The following SUPT3H variants were observed in gnomAD, a reference collection of about 807,000 sequenced individuals.
The protein encoded by SUPT3H is SPT3 homolog, SAGA and STAGA complex component, also known as transcription initiation protein SPT3 homolog.
A neutral mutation model predicts 44.3 loss-of-function variants in SUPT3H; 44 were observed. The ratio of observed to expected loss-of-function variants is 0.99; its 90% CI spans 0.78 to 1.28. The LOEUF is 1.28. Ranked by LOEUF, SUPT3H falls within the 50% of genes most tolerant of loss-of-function variation. The pLI is 0.00. For synonymous variants in SUPT3H, 124 were observed against 125.6 expected, an observed-to-expected ratio of 0.99 and a Z score of 0.09; for missense variants, 380 against 387.1, an observed-to-expected ratio of 0.98 and a Z score of 0.15.
chr6:45,060,388 C>T (rs978084036), intron 3 of SUPT3H, among the ~76,000 whole-genome samples: 3 of 152,046 alleles, frequency 2.0e-5, no homozygotes, highest in Admixed American at 2.0e-4. Context: ...GGAGAACTGG[C>T]TGGCCATATG....
At chr6:44,902,202 T>G (rs1312646514) in intron 10 of SUPT3H, among the ~76,000 whole-genome samples, 1 of 152,192 alleles carries the variant, frequency 6.6e-6, no homozygotes, top group African/African-American at 2.4e-5. Flanking sequence ...ATGGGCTAAA[T>G]GCTCCAATTA....
rs576404738 is a variant in SUPT3H, at chr6:45,178,623, C to T, written c.102-72617G>A. ...TCAACAGAATATACATTTTTTTCAG[C>T]ACCACACCACACCTGTTCCAAAATT... On this transcript the variant is annotated intron_variant, in intron 2 of 10. Transcript: ENST00000371459. Among the ~76,000 whole-genome samples, 218 of 152,192 alleles carry T rather than the reference C, an allele frequency of 1.4e-3. 1 individual carries two copies. The highest frequency in any genetic ancestry group is 4.9e-3 in the African/African-American group (205 of 41,508).
intron 10 of SUPT3H, among the ~76,000 whole-genome samples, chr6:44,833,298 A>G (rs1194900598): frequency 6.6e-6 from 1 of 152,134 alleles, no homozygotes; most frequent in African/African-American, 2.4e-5. Context: ...ATTCCTATAA[A>G]TTTGCTTAAT....
chr6:44,983,830 TTCTC>T (rs957680790), intron 6 of SUPT3H, among the ~76,000 whole-genome samples: 6 of 152,336 alleles, frequency 3.9e-5, no homozygotes, highest in African/African-American at 1.4e-4. Flanking sequence ...ACACTTTACT[TTCTC>T]TCTGTCATTC....
At chr6:45,048,323 C>CA (rs1789752471) in intron 3 of SUPT3H, among the ~76,000 whole-genome samples, 1 of 149,202 alleles carries the variant, frequency 6.7e-6, no homozygotes, top group Admixed American at 6.7e-5. Flanking sequence ...GGTTCATATC[C>CA]AAAAAATCAT....
At chr6:44,971,571 G>A (rs1417002354) in intron 6 of SUPT3H, among the ~76,000 whole-genome samples, 1 of 152,086 alleles carries the variant, frequency 6.6e-6, no homozygotes, top group Non-Finnish European at 1.5e-5. Context: ...AGAAGCATGG[G>A]GGTAACTGCC....
chr6:44,914,694 C>G (rs1767553304), intron 10 of SUPT3H, among the ~76,000 whole-genome samples: 1 of 152,206 alleles, frequency 6.6e-6, no homozygotes, highest in African/African-American at 2.4e-5. Flanking sequence ...TGGACTCTAT[C>G]AGGTGGCTGT....
intron 3 of SUPT3H, among the ~76,000 whole-genome samples, chr6:45,053,188 C>T (rs1467581957): frequency 6.7e-6 from 1 of 148,528 alleles, no homozygotes; most frequent in Non-Finnish European, 1.5e-5. Flanking sequence ...GCATGTGCCA[C>T]TGGGCCCAGC....
chr6:45,170,999 A>G (rs771200043), intron 2 of SUPT3H, among the ~76,000 whole-genome samples: 1 of 152,210 alleles, frequency 6.6e-6, no homozygotes, highest in Non-Finnish European at 1.5e-5. Context: ...TCAAAATGCT[A>G]TGATACAGGC....
intron 6 of SUPT3H, among the ~76,000 whole-genome samples, chr6:45,003,400 A>G (rs543726456): frequency 6.6e-6 from 1 of 152,322 alleles, no homozygotes; most frequent in East Asian, 1.9e-4. Context: ...TCAGATCCAG[A>G]GTAGGGAAAC....
chr6:44,912,805 C>G (rs1248875032), intron 10 of SUPT3H, among the ~76,000 whole-genome samples: 1 of 152,150 alleles, frequency 6.6e-6, no homozygotes, highest in East Asian at 1.9e-4. Context: ...ATAGTTGATA[C>G]AGAAGGAAAT....
At chr6:45,130,637 A>G (rs1175777480) in intron 2 of SUPT3H, among the ~76,000 whole-genome samples, 5 of 150,512 alleles carry the variant, frequency 3.3e-5, no homozygotes, top group Non-Finnish European at 7.4e-5. Flanking sequence ...TTTGAACTTT[A>G]AAGAGTCACA....
chr6:45,307,222 A>C (rs960753858), intron 2 of SUPT3H, among the ~76,000 whole-genome samples: 7 of 152,230 alleles, frequency 4.6e-5, no homozygotes. Context: ...AGGCAGCAGA[A>C]ACCTCTGCAG....
intron 5 of SUPT3H, among the ~76,000 whole-genome samples, chr6:45,010,276 G>A (rs776152685): frequency 3.3e-5 from 5 of 152,048 alleles, no homozygotes; most frequent in Non-Finnish European, 7.4e-5. Flanking sequence ...TATGTTATCT[G>A]TAAACAGAGG....
At chr6:45,037,883 T>C (rs1056557638) in intron 3 of SUPT3H, among the ~76,000 whole-genome samples, 1 of 151,990 alleles carries the variant, frequency 6.6e-6, no homozygotes, top group African/African-American at 2.4e-5. Flanking sequence ...TAACTTTCTG[T>C]ATTTTTCAAA....
chr6:44,827,866 C>A lies in SUPT3H; in HGVS notation c.*1950G>T, dbSNP rs1158550727. Among the ~76,000 whole-genome samples, 2 of 152,160 alleles carry A rather than the reference C, an allele frequency of 1.3e-5. No individual in the cohort carries two copies. The highest frequency in any genetic ancestry group is 2.4e-5 in the African/African-American group (1 of 41,530). On this transcript the variant is annotated 3_prime_UTR_variant, in exon 11 of 11. Coordinates refer to ENST00000371459, the MANE Select transcript of SUPT3H (RefSeq NM_003599.4). Reference sequence around the variant, plus strand: ...AAAGGTTTTATATGAACTTACTGGGCAAAACCAGATTTTATAAATAATTAC... The same window carrying A: ...AAAGGTTTTATATGAACTTACTGGGAAAAACCAGATTTTATAAATAATTAC...
intron 2 of SUPT3H, among the ~76,000 whole-genome samples, chr6:45,348,669 C>G (rs1791418702): frequency 9.9e-6 from 1 of 100,732 alleles, no homozygotes; most frequent in Non-Finnish European, 2.2e-5. Flanking sequence ...AGTAAAACTC[C>G]AACTCAAAAA....
At chr6:45,025,799 C>T (rs538010715) in intron 3 of SUPT3H, among the ~76,000 whole-genome samples, 1 of 150,780 alleles carries the variant, frequency 6.6e-6, no homozygotes, top group African/African-American at 2.4e-5. Flanking sequence ...AGGAGAATGG[C>T]GTGAACCCAA....
At chr6:45,336,712 A>C (rs1788630665) in intron 2 of SUPT3H, among the ~76,000 whole-genome samples, 1 of 151,438 alleles carries the variant, frequency 6.6e-6, no homozygotes, top group South Asian at 2.1e-4. Flanking sequence ...ATTTTTAATA[A>C]AGTATTTACT....
Sources: allele counts gnomAD v4.1 joint callset (sites outside exome capture counted in the v4.1 genomes callset), GRCh38; gene constraint gnomAD v4.1.1; transcripts MANE v1.5; gene names NCBI Gene and HGNC (gene_info 2026-07-23, HGNC 2026-07-21).